CKM: variants seen among roughly 807,000 people sequenced by gnomAD.
CKM encodes the protein creatine kinase, M-type, also known as creatine kinase M-type.
A neutral mutation model predicts 35.4 loss-of-function variants in CKM; 28 were observed. The observed-to-expected ratio is 0.79, with a 90% confidence interval of 0.59 to 1.08. The LOEUF is 1.08. Ranked by LOEUF, CKM falls within the 50% of genes least tolerant of loss-of-function variation. The probability of loss-of-function intolerance (pLI) is 0.00; values close to 1 mark genes in which losing one functional copy is unlikely to be tolerated. For synonymous variants in CKM, 215 were observed against 204.4 expected (o/e 1.05, Z -0.44); for missense variants, 484 against 509.8 (o/e 0.95, Z 0.49).
chr19:45,320,243 T>C (rs1214643951), intron 1 of CKM, among the ~76,000 whole-genome samples: 1 of 151,992 alleles, frequency 6.6e-6, no homozygotes, highest in Non-Finnish European at 1.5e-5. Context: ...CACACCACCA[T>C]GCCTGGCTAA....
intron 4 of CKM, 36 bp downstream of exon 4, chr19:45,315,429 G>T: frequency 6.3e-7 from 1 of 1,593,004 alleles, no homozygotes; most frequent in Non-Finnish European, 8.5e-7. Flanking sequence ...GCCAGGGCTG[G>T]GTGACCCCAG....
chr19:45,311,869 C>T lies in CKM; in HGVS notation c.533G>A (p.Ser178Asn). 6.2e-7 allele frequency: 1 copy of T among 1,613,968 alleles called. No homozygotes were observed. Among genetic ancestry groups the T allele is most frequent in the Non-Finnish European group, 8.5e-7 (1 of 1,179,936 alleles). The change falls in exon 5 of 8, where the codon AGC (serine) becomes AAC (asparagine). Residue 178 changes from serine to asparagine, a missense_variant. Physicochemically the swap from Ser to Asn is conservative, Grantham distance 46. Transcript: ENST00000221476. ...CTGCTGCTGCTCCTTCTCCGTCATGCTCTTCAGAGGGTAGTACTTCCCTTT... is the reference window on the plus strand; with the variant it reads ...CTGCTGCTGCTCCTTCTCCGTCATGTTCTTCAGAGGGTAGTACTTCCCTTT... ...EFKGKYYPLK[S>N]MTEKEQQQLI...
At chr19:45,312,024 G>T in intron 4 of CKM, 104 bp from the exon 5 acceptor site, 1 of 1,345,958 alleles carries the variant, frequency 7.4e-7, no homozygotes, top group Non-Finnish European at 1.0e-6. Context: ...CCTGGGCCTT[G>T]GCCCCCTGGA....
Position 45,319,629 on chromosome 19 carries a change from GGTT to G in CKM, c.82_84del (p.Asn28del). On this transcript the variant is annotated inframe_deletion, in exon 2 of 8. Coordinates refer to ENST00000221476, the MANE Select transcript of CKM (RefSeq NM_001824.5). ...TCAAGGGTCAGTACCTTGGCCATGT[GGTT>G]GTTATGTTTGCTGAGGTCGGGGTAC... is the stretch of plus-strand genomic sequence containing the variant. 6.2e-7 allele frequency: 1 copy of G among 1,614,134 alleles called. No individual in the cohort carries two copies. Among genetic ancestry groups the G allele is most frequent in the Non-Finnish European group, 8.5e-7 (1 of 1,180,014 alleles).
At chr19:45,316,326 T>C (rs1971157666) in intron 3 of CKM, among the ~76,000 whole-genome samples, 1 of 115,148 alleles carries the variant, frequency 8.7e-6, no homozygotes, top group Non-Finnish European at 2.0e-5. Flanking sequence ...TGAGATTCTG[T>C]CTCAAAAAAA....
At position 45,306,928 on chromosome 19, in the gene CKM, C is replaced by T. The variant is rs755118893; in HGVS notation, c.968G>A (p.Gly323Asp). ...GCCCACGGCAGCTGTGTCCACGCCACCTGTGGGAGCAAGGGACAGGGGCGT... is the reference window on the plus strand; with the variant it reads ...GCCCACGGCAGCTGTGTCCACGCCATCTGTGGGAGCAAGGGACAGGGGCGT... Reference protein sequence around the residue: ...TRLRLQKRGTGGVDTAAVGSV... With the variant: ...TRLRLQKRGTDGVDTAAVGSV... The change falls in exon 8 of 8, where the codon GGT (glycine) becomes GAT (aspartate). Residue 323 changes from glycine to aspartate, a missense_variant and splice_region_variant. By Grantham distance (94) the Gly-to-Asp change is moderately conservative (BLOSUM62 -1). Transcript: ENST00000221476. This position sits in a 1 kb window ranked among gnomAD's most constrained non-coding sequence, Gnocchi z 4.5. 1 of 1,613,646 alleles carries T rather than the reference C, an allele frequency of 6.2e-7. No individual in the cohort carries two copies.
chr19:45,315,703 C>G, intron 3 of CKM, 106 bp from the exon 4 acceptor site: 1 of 1,439,374 alleles, frequency 6.9e-7, no homozygotes, highest in South Asian at 1.2e-5. Context: ...CTTCCTTTGC[C>G]TTCTGCATCC....
chr19:45,311,675 G>A, intron 5 of CKM, 74 bp downstream of exon 5: 1 of 1,295,152 alleles, frequency 7.7e-7, no homozygotes, highest in Non-Finnish European at 1.1e-6. Flanking sequence ...TTTTGGTGGA[G>A]GAGTGAGGAG....
At chr19:45,321,060 G>A (rs957344845) in intron 1 of CKM, among the ~76,000 whole-genome samples, 1 of 137,820 alleles carries the variant, frequency 7.3e-6, no homozygotes, top group African/African-American at 2.6e-5. Context: ...GCCACACCTG[G>A]CTATTTTTTT....
At chr19:45,307,866 G>T (rs1161908411) in intron 6 of CKM, among the ~76,000 whole-genome samples, 21 of 124,172 alleles carry the variant, frequency 1.7e-4, no homozygotes, top group Middle Eastern at 8.9e-3. Context: ...TTGAAGGCGG[G>T]TTTTTTTTTT....
chr19:45,311,986 G>T, intron 4 of CKM, 66 bp from the exon 5 acceptor site: 1 of 1,580,630 alleles, frequency 6.3e-7, no homozygotes, highest in East Asian at 2.2e-5. Context: ...GGAGGCCCAG[G>T]GTTTCCCCTG....
intron 3 of CKM, 27 bp from the exon 4 acceptor site, chr19:45,315,624 C>G: frequency 6.2e-7 from 1 of 1,600,928 alleles, no homozygotes; most frequent in Non-Finnish European, 8.5e-7. Flanking sequence ...AGATCAGGAC[C>G]AGGCAGATCC....
chr19:45,320,833 C>T (rs949939691), intron 1 of CKM, among the ~76,000 whole-genome samples: 1 of 152,064 alleles, frequency 6.6e-6, no homozygotes, highest in African/African-American at 2.4e-5. Flanking sequence ...TGTGTGAATA[C>T]AGGTGTAGCT....
chr19:45,306,465 T>C lies in CKM; in HGVS notation c.*285A>G, dbSNP rs1971052208. 1 of 506,156 alleles carries C rather than the reference T, an allele frequency of 2.0e-6. No individual in the cohort carries two copies. The highest frequency in any genetic ancestry group is 3.6e-6 in the Non-Finnish European group (1 of 277,184). 31.4% of individuals were successfully genotyped at this position (506,156 alleles called of 1,614,324 possible). A position where few individuals can be genotyped will look rare whatever the true frequency, so the allele number is the denominator to read the frequency against. On this transcript the variant is annotated 3_prime_UTR_variant, in exon 8 of 8. Transcript: ENST00000221476. This position sits in a 1 kb window ranked among gnomAD's most constrained non-coding sequence, Gnocchi z 4.5. ...CTTTGCGTGGAGACAAAGCACAAGCTCCGAGTGTGCTGGGAGCTCTCCATT... is the reference window on the plus strand; with the variant it reads ...CTTTGCGTGGAGACAAAGCACAAGCCCCGAGTGTGCTGGGAGCTCTCCATT...
rs572306418 is a variant in CKM, at chr19:45,319,455, G to A, written c.193+66C>T. On this transcript the variant is annotated intron_variant, in intron 2 of 7. Coordinates refer to ENST00000221476, the MANE Select transcript of CKM (RefSeq NM_001824.5). ...CCCCCCCTTCAAGGGTGGTGGGATT[G>A]GGGCATGGCCGGCAGCCTCCAGAGC... is the stretch of plus-strand genomic sequence containing the variant. The A allele has an allele frequency of 1.3e-5, 17 of 1,302,356 alleles. No homozygotes were observed. In the Admixed American group the frequency reaches 2.5e-4, roughly 19 times the overall value. 80.7% of individuals were successfully genotyped at this position (1,302,356 alleles called of 1,614,324 possible).
chr19:45,313,218 CTG>C (rs1971126573), intron 4 of CKM, among the ~76,000 whole-genome samples: 1 of 152,138 alleles, frequency 6.6e-6, no homozygotes. Context: ...CTTCGTGTCT[CTG>C]TGTCACATGT....
chr19:45,320,872 C>G (rs1971206780), intron 1 of CKM, among the ~76,000 whole-genome samples: 1 of 146,168 alleles, frequency 6.8e-6, no homozygotes, highest in Admixed American at 6.7e-5. Flanking sequence ...ACACAATAAG[C>G]ATTATTTCAC....
At chr19:45,319,159 C>G (rs1971187128) in intron 2 of CKM, among the ~76,000 whole-genome samples, 1 of 152,074 alleles carries the variant, frequency 6.6e-6, no homozygotes, top group Admixed American at 6.5e-5. Flanking sequence ...ACCTGGCCCC[C>G]CTGTCAGAGC....
chr19:45,309,267 G>A (rs888307244), intron 5 of CKM, among the ~76,000 whole-genome samples: 7 of 141,856 alleles, frequency 4.9e-5, no homozygotes, highest in African/African-American at 1.6e-4. Flanking sequence ...ATTAAGATCC[G>A]GAAATGGCCG....
Sources: gnomAD v4.1 joint callset for allele counts (sites outside exome capture counted in the v4.1 genomes callset) on GRCh38, gnomAD v4.1.1 for gene constraint, Gnocchi (gnomAD v3.1) non-coding constraint, MANE v1.5 for transcripts, NCBI Gene and HGNC (gene_info 2026-07-23, HGNC 2026-07-21) for gene names.